SAMD12: variants seen among roughly 807,000 people sequenced by gnomAD.
SAMD12 encodes the protein sterile alpha motif domain containing 12, also known as sterile alpha motif domain-containing protein 12.
In SAMD12, 9 loss-of-function variants were observed where a neutral mutation model predicts 15.0. That is an observed-to-expected ratio of 0.60 (90% CI 0.36 to 1.05). SAMD12 has a LOEUF of 1.05. Among genes scored for constraint, SAMD12 ranks in the 50% least tolerant of loss-of-function variants. SAMD12 has a pLI of 0.01. For missense variants in SAMD12, 230 were observed against 234.2 expected, an observed-to-expected ratio of 0.98 and a Z score of 0.12; for synonymous variants, 86 against 90.1, an observed-to-expected ratio of 0.96 and a Z score of 0.25.
intron 2 of SAMD12, among the ~76,000 whole-genome samples, chr8:118,445,175 A>AC (rs1410010890): frequency 6.6e-6 from 1 of 152,206 alleles, no homozygotes. Context: ...GGAAACACAC[A>AC]CATACACAAC....
chr8:118,533,054 C>T (rs1825734177), intron 2 of SAMD12, among the ~76,000 whole-genome samples: 1 of 151,484 alleles, frequency 6.6e-6, no homozygotes, highest in Non-Finnish European at 1.5e-5. Context: ...TAGATCTTTC[C>T]TGCTTTCTCT....
At chr8:118,506,558 A>C (rs1238460232) in intron 2 of SAMD12, among the ~76,000 whole-genome samples, 1 of 152,046 alleles carries the variant, frequency 6.6e-6, no homozygotes, top group African/African-American at 2.4e-5. Flanking sequence ...AAAGTTACAC[A>C]ACCTTTTAGT....
the SAMD12 span, among the ~76,000 whole-genome samples, chr8:118,150,973 G>C: frequency 6.6e-6 from 1 of 152,154 alleles, no homozygotes; most frequent in Non-Finnish European, 1.5e-5. Flanking sequence ...CTTGAGAGGA[G>C]GTGGGGGGAT....
rs138986785 is a variant in SAMD12 at position 118,589,572 on chromosome 8, G to C, written c.14-8679C>G. 8.7e-3 allele frequency among the ~76,000 whole-genome samples: 1,320 copies of C among 152,318 alleles called. 10 individuals carry two copies. The highest frequency in any genetic ancestry group is 0.011 in the Non-Finnish European group (774 of 68,026). ...AAAGTGGGGACAGACTTTAGAAGATGTCCAAGGCATGAATATTAACTCTTC... is the reference window on the plus strand; with the variant it reads ...AAAGTGGGGACAGACTTTAGAAGATCTCCAAGGCATGAATATTAACTCTTC... On this transcript the variant is annotated intron_variant, in intron 1 of 3. Transcript: ENST00000314727.
intron 1 of SAMD12, among the ~76,000 whole-genome samples, chr8:118,613,950 G>C (rs1409822064): frequency 6.6e-6 from 1 of 152,136 alleles, no homozygotes; most frequent in African/African-American, 2.4e-5. Context: ...ACTTCCCTCT[G>C]TTGCCTCATG....
the SAMD12 span, among the ~76,000 whole-genome samples, chr8:118,150,326 T>G: frequency 6.6e-6 from 1 of 152,224 alleles, no homozygotes; most frequent in Non-Finnish European, 1.5e-5. Context: ...CCTTATACTA[T>G]TGTTGCAATT....
intron 2 of SAMD12, among the ~76,000 whole-genome samples, chr8:118,459,231 ACTT>A (rs927800384): frequency 1.3e-5 from 2 of 151,862 alleles, no homozygotes; most frequent in African/African-American, 4.8e-5. Context: ...ACACTTGGCT[ACTT>A]CTTGTATTTT....
chr8:118,606,884 T>G (rs1827999327), intron 1 of SAMD12, among the ~76,000 whole-genome samples: 1 of 152,164 alleles, frequency 6.6e-6, no homozygotes, highest in Non-Finnish European at 1.5e-5. Flanking sequence ...CTTTTTTACT[T>G]TCCTTTCTGA....
At chr8:118,251,939 A>G (rs1812830524) in intron 4 of SAMD12, among the ~76,000 whole-genome samples, 1 of 151,994 alleles carries the variant, frequency 6.6e-6, no homozygotes, top group African/African-American at 2.4e-5. Context: ...TAAAAAAAAA[A>G]AGAGAAAGAG....
intron 2 of SAMD12, among the ~76,000 whole-genome samples, chr8:118,487,523 AAG>A (rs1251515754): frequency 2.0e-5 from 3 of 152,186 alleles, no homozygotes; most frequent in Non-Finnish European, 4.4e-5. Context: ...GTTTAGCAAA[AAG>A]AAGAAATCCA....
chr8:118,423,685 C>T (rs1822118389), intron 3 of SAMD12, among the ~76,000 whole-genome samples: 1 of 144,010 alleles, frequency 6.9e-6, no homozygotes, highest in Non-Finnish European at 1.5e-5. Flanking sequence ...GCTTTGGATT[C>T]AGACAGCCCT....
intron 4 of SAMD12, among the ~76,000 whole-genome samples, chr8:118,318,636 G>A (rs367609307): frequency 6.6e-6 from 1 of 151,900 alleles, no homozygotes; most frequent in Non-Finnish European, 1.5e-5. Flanking sequence ...GGTGATGGGT[G>A]CATTAAAGTC....
At chr8:118,433,412 C>CTGT (rs1822477891) in intron 3 of SAMD12, among the ~76,000 whole-genome samples, 1 of 148,192 alleles carries the variant, frequency 6.7e-6, no homozygotes, top group South Asian at 2.1e-4. Flanking sequence ...TTGAAAGGGT[C>CTGT]TTTTTTTTTT....
chr8:118,359,699 A>C (rs1167354464), intron 4 of SAMD12, among the ~76,000 whole-genome samples: 1 of 152,180 alleles, frequency 6.6e-6, no homozygotes, highest in Admixed American at 6.5e-5. Flanking sequence ...TGATCTGCAG[A>C]AGAAAAGGGA....
At chr8:118,543,020 T>A in intron 2 of SAMD12, among the ~76,000 whole-genome samples, 1 of 149,056 alleles carries the variant, frequency 6.7e-6, no homozygotes, top group Non-Finnish European at 1.5e-5. Flanking sequence ...GGAAAAAGGA[T>A]GAAAGGATGA....
chr8:118,317,202 T>C (rs970468756), intron 4 of SAMD12, among the ~76,000 whole-genome samples: 2 of 152,140 alleles, frequency 1.3e-5, no homozygotes, highest in Non-Finnish European at 2.9e-5. Context: ...AAAATCAATG[T>C]CTGTTGTTAT....
chr8:118,195,169 CAA>C (rs1318188044), exon 5 of SAMD12: 10 of 152,170 alleles, frequency 6.6e-5, no homozygotes, highest in African/African-American at 2.4e-4. Flanking sequence ...GAATATTTTG[CAA>C]AGGCCAAAGT....
At chr8:118,561,176 C>T (rs529209619) in intron 2 of SAMD12, among the ~76,000 whole-genome samples, 1 of 152,232 alleles carries the variant, frequency 6.6e-6, no homozygotes, top group East Asian at 1.9e-4. Context: ...TAAAAATGAA[C>T]ACATTTAATG....
At chr8:118,302,831 A>T (rs1465219670) in intron 4 of SAMD12, among the ~76,000 whole-genome samples, 1 of 152,224 alleles carries the variant, frequency 6.6e-6, no homozygotes, top group East Asian at 1.9e-4. Flanking sequence ...CAGTAAGACC[A>T]ATCCTTTACC....
Sources: gnomAD v4.1 joint callset for allele counts (sites outside exome capture counted in the v4.1 genomes callset) on GRCh38, gnomAD v4.1.1 for gene constraint, MANE v1.5 for transcripts, NCBI Gene and HGNC (gene_info 2026-07-23, HGNC 2026-07-21) for gene names.